The following SNRK variants were observed in gnomAD, a reference collection of about 807,000 sequenced individuals.
The protein encoded by SNRK is SNF related kinase, also known as SNF-related serine/threonine-protein kinase.
Under a neutral mutation model 48.2 loss-of-function variants are expected in SNRK, and 3 were observed. The observed-to-expected ratio is 0.06, with a 90% CI of 0.03 to 0.16. The LOEUF is 0.16. Among genes scored for constraint, SNRK ranks in the 10% least tolerant of loss-of-function variants. SNRK has a pLI of 1.00. For synonymous variants in SNRK, 376 were observed against 366.1 expected, an observed-to-expected ratio of 1.03 and a Z score of -0.31; for missense variants, 627 against 976.0, an observed-to-expected ratio of 0.64 and a Z score of 4.76.
intron 3 of SNRK, among the ~76,000 whole-genome samples, chr3:43,306,307 C>T (rs2090937450): frequency 6.6e-6 from 1 of 151,970 alleles, no homozygotes; most frequent in Non-Finnish European, 1.5e-5. Context: ...TGATTTTTCA[C>T]AAATGTTTAG....
At chr3:43,306,113 G>A (rs1327193540) in intron 3 of SNRK, among the ~76,000 whole-genome samples, 1 of 152,110 alleles carries the variant, frequency 6.6e-6, no homozygotes, top group African/African-American at 2.4e-5. Context: ...AATGATTACC[G>A]TGTGTTGGTG....
chr3:43,296,419 T>TATATATATATAC (rs200044040), intron 1 of SNRK, among the ~76,000 whole-genome samples: 12,501 of 143,862 alleles, frequency 0.087, 792 homozygotes, highest in African/African-American at 0.15. Flanking sequence ...TACTGGCATA[T>TATATATATATAC]ATATATATAT....
rs967365409 is a variant in SNRK at position 43,327,903 on chromosome 3, T to A, written c.590-4266T>A. Among the ~76,000 whole-genome samples the A allele has an allele frequency of 3.1e-4, 47 of 151,868 alleles. 1 individual carries two copies. Among genetic ancestry groups the A allele is most frequent in the Non-Finnish European group, 1.6e-4 (11 of 67,982 alleles). ...GGGAACTTGTAACTCCCACCCTTTA[T>A]ATTATGAAAAACTTCATTATCTCTT... On this transcript the variant is annotated intron_variant, in intron 3 of 6. Coordinates refer to ENST00000296088, the MANE Select transcript of SNRK (RefSeq NM_017719.5).
At chr3:43,296,511 T>A (rs1383312005) in intron 1 of SNRK, among the ~76,000 whole-genome samples, 1 of 150,764 alleles carries the variant, frequency 6.6e-6, no homozygotes, top group East Asian at 1.9e-4. Context: ...ACTTATATTC[T>A]AAATGAAATG....
In SNRK at chr3:43,347,432, T is replaced by G. The variant is rs1374525424; in HGVS notation, c.1173T>G (p.Pro391=). ...CCCACGCGACTGTCCCTCAGTCTCCTGCTCGGGCTGCTGACAGTGTCCTCA... is the reference window on the plus strand; with the variant it reads ...CCCACGCGACTGTCCCTCAGTCTCCGGCTCGGGCTGCTGACAGTGTCCTCA... ...PLSHATVPQS[P]ARAADSVLNG... Residue 391 remains proline (P), a synonymous_variant, in exon 7 of 7, where the codon CCT becomes CCG. Transcript: ENST00000296088. The surrounding 1 kb of genome is among the most constrained non-coding windows in gnomAD (Gnocchi z 5.4). 2 of 1,614,004 alleles carry G rather than the reference T, an allele frequency of 1.2e-6. No homozygotes were observed. Among genetic ancestry groups the G allele is most frequent in the Admixed American group, 3.3e-5 (2 of 59,994 alleles).
At chr3:43,338,800 C>G (rs757753531) in intron 4 of SNRK, among the ~76,000 whole-genome samples, 1 of 151,660 alleles carries the variant, frequency 6.6e-6, no homozygotes, top group African/African-American at 2.4e-5. Flanking sequence ...TTTAGAAGCC[C>G]TATTTAGTTT....
At position 43,303,022 on chromosome 3, in the gene SNRK, C is replaced by A; in HGVS notation, c.-106-76C>A. ...CAAGTTTCTCTTAAAATGAAAAAAA[C>A]AAAAAATGAAGTGATTTTAAAGTTT... On this transcript the variant is annotated intron_variant, in intron 2 of 6. Transcript: ENST00000296088. The surrounding 1 kb of genome is among the most constrained non-coding windows in gnomAD (Gnocchi z 6.2). 4.4e-6 allele frequency: 2 copies of A among 458,276 alleles called. No homozygotes were observed. The highest frequency in any genetic ancestry group is 3.8e-6 in the Non-Finnish European group (1 of 264,312). 28.4% of individuals were successfully genotyped at this position (458,276 alleles called of 1,614,324 possible). A position where few individuals can be genotyped will look rare whatever the true frequency, so the allele number is the denominator to read the frequency against.
chr3:43,290,195 C>T (rs1346882601), intron 1 of SNRK, among the ~76,000 whole-genome samples: 1 of 152,078 alleles, frequency 6.6e-6, no homozygotes, highest in African/African-American at 2.4e-5. Context: ...CATTATCAGA[C>T]CCAAGTAATG....
Position 43,303,139 on chromosome 3 carries a change from A to T in SNRK, c.-65A>T, listed in dbSNP as rs1197798199. 8.5e-7 allele frequency: 1 copy of T among 1,173,840 alleles called. No homozygotes were observed. The highest frequency in any genetic ancestry group is 1.6e-5 in the South Asian group (1 of 61,834). The allele number at this position is 1,173,840 out of a possible 1,614,324, so 72.7% of individuals were successfully genotyped here. On this transcript the variant is annotated 5_prime_UTR_variant, in exon 3 of 7. Transcript: ENST00000296088. This position sits in a 1 kb window ranked among gnomAD's most constrained non-coding sequence, Gnocchi z 6.2. ...TGAAAATGAATTTTTTGTATTCACC[A>T]GATATTCTTATATGAGAAGATCTAT...
In SNRK at chr3:43,340,472, A is replaced by G; in HGVS notation, c.917A>G (p.Asp306Gly). 1.2e-6 allele frequency: 2 copies of G among 1,614,178 alleles called. No individual in the cohort carries two copies. The highest frequency in any genetic ancestry group is 8.5e-7 in the Non-Finnish European group (1 of 1,180,022). Residue 306 changes from aspartate (D) to glycine (G), a missense_variant, in exon 5 of 7, where the codon GAC (aspartate) becomes GGC (glycine). Asp to Gly is a moderately conservative substitution (Grantham distance 94, BLOSUM62 -1). Coordinates refer to ENST00000296088, the MANE Select transcript of SNRK (RefSeq NM_017719.5). ...ATCATTCAGCGCATGGTGCTTGGGGACATAGCGGATCGAGACGCCATTGTA... is the reference window on the plus strand; with the variant it reads ...ATCATTCAGCGCATGGTGCTTGGGGGCATAGCGGATCGAGACGCCATTGTA... ...NSIIQRMVLGDIADRDAIVEA... is the reference protein window; with the variant it reads ...NSIIQRMVLGGIADRDAIVEA...
chr3:43,314,988 T>C (rs537109201), intron 3 of SNRK: 2 of 152,356 alleles, frequency 1.3e-5, no homozygotes, highest in South Asian at 4.1e-4. Flanking sequence ...TCCCAGCTAC[T>C]CAGGAGGCTG....
rs770542059 is a variant in SNRK at position 43,343,392 on chromosome 3, G to T, written c.993G>T (p.Leu331=). ...RYNHITATYF[L]LAERILREKQ... ...ACCATATCACAGCCACATACTTCCTGCTGGCTGAAAGGATCCTGAGAGAAA... is the reference window on the plus strand; with the variant it reads ...ACCATATCACAGCCACATACTTCCTTCTGGCTGAAAGGATCCTGAGAGAAA... Residue 331 remains leucine, a synonymous_variant, in exon 6 of 7, where the codon CTG becomes CTT. Coordinates refer to ENST00000296088, the MANE Select transcript of SNRK (RefSeq NM_017719.5). 1.9e-6 allele frequency: 3 copies of T among 1,614,114 alleles called. No homozygotes were observed. Among genetic ancestry groups the T allele is most frequent in the East Asian group, 4.5e-5 (2 of 44,878 alleles).
At position 43,349,327 on chromosome 3, in the gene SNRK, A is replaced by T. The variant is rs1559473920; in HGVS notation, c.*770A>T. The T allele has an allele frequency of 6.6e-6, 1 of 152,662 alleles. No individual in the cohort carries two copies. The highest frequency in any genetic ancestry group is 6.5e-5 in the Admixed American group (1 of 15,288). 9.5% of individuals were successfully genotyped at this position (152,662 alleles called of 1,614,324 possible). ...GATGATGTCTTAACTCTACTTAGAG[A>T]GTGTATGTCTGTCTAACAGAACAAA... On this transcript the variant is annotated 3_prime_UTR_variant, in exon 7 of 7. Coordinates refer to ENST00000296088, the MANE Select transcript of SNRK (RefSeq NM_017719.5).
chr3:43,348,501 C>T lies in SNRK; in HGVS notation c.2242C>T (p.Pro748Ser). Residue 748 changes from proline to serine, a missense_variant, in exon 7 of 7, where the codon CCT becomes TCT. This residue lies in a region of SNRK where 207 missense variants were observed against 234.3 expected (regional missense o/e 0.88). Transcript: ENST00000296088. Reference sequence around the variant, plus strand: ...CATCTCTGTGAACATCCAGCGGAACCCTAAGGAGGGGCTGCTGTGCGCATC... The same window carrying T: ...CATCTCTGTGAACATCCAGCGGAACTCTAAGGAGGGGCTGCTGTGCGCATC... Reference protein sequence around the residue: ...KTISVNIQRNPKEGLLCASSP... With the variant: ...KTISVNIQRNSKEGLLCASSP... The T allele has an allele frequency of 6.3e-7, 1 of 1,579,842 alleles. No homozygotes were observed. Among genetic ancestry groups the T allele is most frequent in the African/African-American group, 1.4e-5 (1 of 73,738 alleles).
chr3:43,347,986 G>A lies in SNRK; in HGVS notation c.1727G>A (p.Ser576Asn). 1 of 1,613,970 alleles carries A rather than the reference G, an allele frequency of 6.2e-7. No homozygotes were observed. The change falls in exon 7 of 7, where the codon AGT (serine) becomes AAT (asparagine). Residue 576 changes from serine to asparagine, a missense_variant. Coordinates refer to ENST00000296088, the MANE Select transcript of SNRK (RefSeq NM_017719.5). The surrounding 1 kb of genome is among the most constrained non-coding windows in gnomAD (Gnocchi z 5.4). ...GATAGCAGCGAGGGGCCCCCTGGCA[G>A]TGAGGGGGATGGCGGGGGCCAGAGC... Reference protein sequence around the residue: ...RRDSSEGPPGSEGDGGGQSKP... With the variant: ...RRDSSEGPPGNEGDGGGQSKP...
intron 4 of SNRK, among the ~76,000 whole-genome samples, chr3:43,336,566 A>C (rs1304546317): frequency 6.6e-6 from 1 of 152,110 alleles, no homozygotes; most frequent in African/African-American, 2.4e-5. Flanking sequence ...TCATGGTCTC[A>C]AGAGATCCTC....
intron 3 of SNRK, among the ~76,000 whole-genome samples, chr3:43,310,464 G>A (rs1293179626): frequency 3.3e-5 from 5 of 151,688 alleles, no homozygotes; most frequent in Non-Finnish European, 5.9e-5. Flanking sequence ...ATTCTTATTT[G>A]CTTGTGTTTG....
chr3:43,329,307 G>A (rs1007571648), intron 3 of SNRK, among the ~76,000 whole-genome samples: 3 of 151,998 alleles, frequency 2.0e-5, no homozygotes, highest in Admixed American at 6.5e-5. Flanking sequence ...GTGTGGTGGC[G>A]GGTGCCTGTA....
chr3:43,300,523 C>T (rs2090890695), intron 2 of SNRK, among the ~76,000 whole-genome samples: 1 of 151,974 alleles, frequency 6.6e-6, no homozygotes, highest in Non-Finnish European at 1.5e-5. Flanking sequence ...CAAGCTTATG[C>T]AATAGCAACA....
Sources: gnomAD v4.1 joint callset for allele counts (sites outside exome capture counted in the v4.1 genomes callset) on GRCh38, gnomAD v4.1.1 for gene constraint, gnomAD v4.1.1 regional missense constraint, Gnocchi (gnomAD v3.1) non-coding constraint, MANE v1.5 for transcripts, NCBI Gene and HGNC (gene_info 2026-07-23, HGNC 2026-07-21) for gene names.